Variants in USP34 observed in about 807,000 individuals in gnomAD.
USP34 encodes the protein ubiquitin specific peptidase 34.
USP34 carries 70 observed loss-of-function variants against 460.3 expected under a neutral mutation model. The observed-to-expected ratio is 0.15, with a 90% CI of 0.13 to 0.19. The LOEUF is 0.19. USP34 is among the 10% of genes least tolerant of loss of function. USP34 has a pLI of 1.00. For synonymous variants in USP34, 1,647 were observed against 1,405.3 expected, an observed-to-expected ratio of 1.17 and a Z score of -3.85; for missense variants, 3,985 against 4,236.2, an observed-to-expected ratio of 0.94 and a Z score of 1.65.
intron 78 of USP34, 170 bp downstream of exon 78, chr2:61,190,101 G>A (rs1270319841): frequency 4.0e-6 from 3 of 751,832 alleles, no homozygotes; most frequent in Non-Finnish European, 6.1e-6. Context: ...AGTGTGCTGT[G>A]TACATACAAG....
chr2:61,227,485 T>C (rs1008726554), intron 61 of USP34, among the ~76,000 whole-genome samples: 5 of 151,560 alleles, frequency 3.3e-5, no homozygotes, highest in Non-Finnish European at 5.9e-5. Flanking sequence ...CTGAGGCGGG[T>C]GGATCATTTG....
chr2:61,458,429 C>T (rs954816025), intron 1 of USP34, among the ~76,000 whole-genome samples: 6 of 151,140 alleles, frequency 4.0e-5, no homozygotes, highest in East Asian at 2.0e-4. Flanking sequence ...GGCGTGGTGG[C>T]GGGTGCCTGT....
intron 51 of USP34, among the ~76,000 whole-genome samples, chr2:61,242,454 T>TACACAC (rs1359212147): frequency 1.2e-4 from 8 of 67,514 alleles, no homozygotes; most frequent in South Asian, 6.1e-4. Flanking sequence ...CCAAAGATAA[T>TACACAC]ACATACACAC....
chr2:61,191,382 A>C (rs1686637109), intron 76 of USP34: 1 of 151,108 alleles, frequency 6.6e-6, no homozygotes, highest in Admixed American at 6.6e-5. Context: ...AATAGGACAA[A>C]ATTTAGATTA....
At chr2:61,387,754 TAC>T (rs1693204295) in intron 5 of USP34, among the ~76,000 whole-genome samples, 1 of 147,852 alleles carries the variant, frequency 6.8e-6, no homozygotes, top group Admixed American at 6.8e-5. Flanking sequence ...TTTTTACGTA[TAC>T]ACACATGTAA....
intron 27 of USP34, among the ~76,000 whole-genome samples, chr2:61,303,731 G>A (rs1690310646): frequency 6.6e-6 from 1 of 151,848 alleles, no homozygotes; most frequent in Non-Finnish European, 1.5e-5. Flanking sequence ...CAAGTAGCTG[G>A]GACTACAGGC....
chr2:61,300,888 A>G (rs886696706), intron 29 of USP34, 63 bp downstream of exon 29: 3 of 1,097,058 alleles, frequency 2.7e-6, no homozygotes, highest in African/African-American at 1.6e-5. Flanking sequence ...TACTTTTATT[A>G]AAGTTACTAT....
chr2:61,221,731 G>T, intron 65 of USP34, 125 bp from the exon 66 acceptor site: 2 of 822,458 alleles, frequency 2.4e-6, no homozygotes, highest in Admixed American at 3.6e-5. Flanking sequence ...AGCTCAGCCA[G>T]TACTTCTGCA....
intron 75 of USP34, among the ~76,000 whole-genome samples, chr2:61,198,721 T>G (rs376232007): frequency 2.2e-4 from 33 of 152,086 alleles, no homozygotes; most frequent in South Asian, 8.3e-4. Context: ...ATACAAAAAT[T>G]AGCCGGGTGT....
intron 69 of USP34, among the ~76,000 whole-genome samples, chr2:61,209,809 G>C (rs1687221782): frequency 6.6e-6 from 1 of 152,230 alleles, no homozygotes; most frequent in East Asian, 1.9e-4. Flanking sequence ...CTCTAAGCTA[G>C]TTACTGCCTC....
chr2:61,238,313 T>C (rs1688132089), intron 53 of USP34, among the ~76,000 whole-genome samples: 2 of 152,176 alleles, frequency 1.3e-5, no homozygotes, highest in Admixed American at 1.3e-4. Context: ...ATAAGCTCTG[T>C]CCTTCCTAGG....
intron 1 of USP34, among the ~76,000 whole-genome samples, chr2:61,454,183 G>A (rs1287299622): frequency 6.6e-6 from 1 of 151,910 alleles, no homozygotes; most frequent in Non-Finnish European, 1.5e-5. Flanking sequence ...GTCACCCAGG[G>A]GTGTGATCTC....
At chr2:61,439,512 G>A (rs1694906856) in intron 1 of USP34, among the ~76,000 whole-genome samples, 1 of 152,206 alleles carries the variant, frequency 6.6e-6, no homozygotes, top group Admixed American at 6.5e-5. Flanking sequence ...GGAAGGCCCA[G>A]TGCCCAGCAC....
intron 25 of USP34, 141 bp from the exon 26 acceptor site, chr2:61,312,051 T>A (rs1334893013): frequency 9.7e-7 from 1 of 1,032,628 alleles, no homozygotes; most frequent in Non-Finnish European, 1.3e-6. Flanking sequence ...AGCAACAAAT[T>A]TAAGTTCAGA....
In USP34 at chr2:61,301,398, A is replaced by C. The variant is rs767785437; in HGVS notation, c.3874T>G (p.Tyr1292Asp). 2 of 1,614,030 alleles carry C rather than the reference A, an allele frequency of 1.2e-6. No homozygotes were observed. Among genetic ancestry groups the C allele is most frequent in the Non-Finnish European group, 1.7e-6 (2 of 1,179,980 alleles). ...ISSGHELTTD[Y>D]DEKALHELGF... ...AGCTCATGAAGTGCTTTTTCATCAT[A>C]ATCTGTTGTTAACTCGTGTCCAGAT... The change falls in exon 28 of 80, where the codon TAT (tyrosine) becomes GAT (aspartate). Residue 1292 changes from tyrosine to aspartate, a missense_variant. By Grantham distance (160) the Tyr-to-Asp change is radical (BLOSUM62 -3). Around this residue, in one of 14 missense-constraint regions of USP34, gnomAD observed 1,114 missense variants for 1,122.5 expected, o/e 0.99. Transcript: ENST00000398571.
chr2:61,221,637 G>C lies in USP34; in HGVS notation c.7795-31C>G, dbSNP rs769345812. ...AAACACATACATGACTGTGTATTTA[G>C]ATCAATCTGAACCCATCTCCTTCAG... On this transcript the variant is annotated intron_variant, in intron 65 of 79. Coordinates refer to ENST00000398571, the MANE Select transcript of USP34 (RefSeq NM_014709.4). 5.0e-6 allele frequency: 8 copies of C among 1,591,434 alleles called. No individual in the cohort carries two copies. In the East Asian group the frequency reaches 1.3e-4, roughly 27 times the overall value.
chr2:61,373,628 T>G (rs554222434), intron 8 of USP34, among the ~76,000 whole-genome samples: 3 of 152,104 alleles, frequency 2.0e-5, no homozygotes, highest in African/African-American at 7.2e-5. Context: ...CTGAAATACA[T>G]GAAGCAAAAA....
chr2:61,223,366 T>A, intron 62 of USP34, 70 bp from the exon 63 acceptor site: 3 of 1,440,694 alleles, frequency 2.1e-6, no homozygotes. Context: ...TTACAACATG[T>A]ATCAAAAATT....
intron 1 of USP34, among the ~76,000 whole-genome samples, chr2:61,440,350 G>A (rs1351261527): frequency 1.3e-5 from 2 of 152,158 alleles, no homozygotes; most frequent in South Asian, 2.1e-4. Flanking sequence ...GACATCAGGA[G>A]GAAGCAGGTC....
Sources: allele counts gnomAD v4.1 joint callset (sites outside exome capture counted in the v4.1 genomes callset), GRCh38; gene constraint gnomAD v4.1.1; regional missense constraint gnomAD v4.1.1; transcripts MANE v1.5; gene names NCBI Gene and HGNC (gene_info 2026-07-23, HGNC 2026-07-21).